Variants in FCRL1 observed in about 807,000 individuals in gnomAD.
FCRL1 encodes Fc receptor-like protein 1.
FCRL1 carries 34 observed loss-of-function variants against 49.2 expected under a neutral mutation model. That is an observed-to-expected ratio of 0.69 (90% CI 0.53 to 0.92). The LOEUF is 0.92. Ranked by LOEUF, FCRL1 falls within the 40% of genes least tolerant of loss-of-function variation. FCRL1 has a pLI of 0.00. For missense variants in FCRL1, 524 were observed against 524.1 expected, an observed-to-expected ratio of 1.00 and a Z score of 0.00; for synonymous variants, 218 against 201.6, an observed-to-expected ratio of 1.08 and a Z score of -0.69.
At chr1:157,800,234 A>G (rs1470248700) in intron 6 of FCRL1, 149 bp from the exon 7 acceptor site, 1 of 568,062 alleles carries the variant, frequency 1.8e-6, no homozygotes, top group African/African-American at 1.9e-5. Flanking sequence ...CATCCTGGCA[A>G]TCATTTACAG....
intron 1 of FCRL1, among the ~76,000 whole-genome samples, chr1:157,816,913 T>C (rs1415311968): frequency 1.3e-5 from 2 of 151,802 alleles, no homozygotes; most frequent in Non-Finnish European, 3.0e-5. Context: ...TCACAATAGT[T>C]ATAAAATAAT....
At chr1:157,806,035 A>G (rs1653385668) in intron 2 of FCRL1, among the ~76,000 whole-genome samples, 1 of 152,238 alleles carries the variant, frequency 6.6e-6, no homozygotes, top group Non-Finnish European at 1.5e-5. Context: ...CTTGTTTCAG[A>G]TAATTCTTAG....
At chr1:157,817,242 AG>A (rs1174188337) in intron 1 of FCRL1, among the ~76,000 whole-genome samples, 3 of 142,906 alleles carry the variant, frequency 2.1e-5, no homozygotes, top group Admixed American at 7.1e-5. Flanking sequence ...GAAAAGCTTC[AG>A]GTATTATACT....
chr1:157,797,214 C>T, intron 9 of FCRL1, 82 bp from the exon 10 acceptor site: 2 of 1,243,010 alleles, frequency 1.6e-6, no homozygotes, highest in Non-Finnish European at 2.4e-6. Flanking sequence ...AAGCTTCTTC[C>T]TCTCCCATCT....
At chr1:157,805,679 TGAG>T (rs1194318599) in intron 2 of FCRL1, among the ~76,000 whole-genome samples, 1 of 152,196 alleles carries the variant, frequency 6.6e-6, no homozygotes, top group Non-Finnish European at 1.5e-5. Context: ...GTGGATCACC[TGAG>T]GTCAGGAGTT....
At chr1:157,801,807 C>G (rs1299701800) in intron 5 of FCRL1, 108 bp downstream of exon 5, 1 of 1,337,860 alleles carries the variant, frequency 7.5e-7, no homozygotes. Flanking sequence ...CACACAGAGG[C>G]CCCACCATGG....
In FCRL1 at chr1:157,801,916, T is replaced by C. The variant is rs1482748516; in HGVS notation, c.885A>G (p.Thr295=). The change falls in exon 5 of 11, where the codon ACA becomes ACG. Residue 295 remains threonine (T), a splice_region_variant and synonymous_variant. Coordinates refer to ENST00000368176, the MANE Select transcript of FCRL1 (RefSeq NM_052938.5). ...ACAGTTCCATAGCCTGAGCTATACC[T>C]GTGAAGTTGAGTGTCACCGCCTCAC... is the stretch of plus-strand genomic sequence containing the variant. ...QRSEAVTLNF[T]VPTGARSNHL... is the part of the protein sequence containing the mutation. The C allele has an allele frequency of 3.1e-6, 5 of 1,612,004 alleles. No individual in the cohort carries two copies. The highest frequency in any genetic ancestry group is 4.2e-6 in the Non-Finnish European group (5 of 1,178,888).
chr1:157,801,689 ATTTATTT>A, intron 5 of FCRL1, 112 bp from the exon 6 acceptor site: 1 of 906,230 alleles, frequency 1.1e-6, no homozygotes, highest in Non-Finnish European at 1.7e-6. Context: ...GTGGGGATTT[ATTTATTT>A]GTCTAGGGAC....
chr1:157,801,563 T>C lies in FCRL1; in HGVS notation c.901A>G (p.Arg301Gly). The C allele has an allele frequency of 6.2e-7, 1 of 1,613,258 alleles. No individual in the cohort carries two copies. Among genetic ancestry groups the C allele is most frequent in the Non-Finnish European group, 8.5e-7 (1 of 1,179,382 alleles). Reference sequence around the variant, plus strand: ...ACTCCTGAGGTAAGATGATTGCTTCTGGCCCCAGTAGGCACTAGAGGGAGA... The same window carrying C: ...ACTCCTGAGGTAAGATGATTGCTTCCGGCCCCAGTAGGCACTAGAGGGAGA... The part of the protein sequence containing the change: ...TLNFTVPTGA[R>G]SNHLTSGVIE... The change falls in exon 6 of 11, where the codon AGA becomes GGA. Residue 301 changes from arginine to glycine, a missense_variant. By Grantham distance (125) the Arg-to-Gly change is moderately radical. Coordinates refer to ENST00000368176, the MANE Select transcript of FCRL1 (RefSeq NM_052938.5).
intron 4 of FCRL1, 28 bp downstream of exon 4, chr1:157,802,349 T>C (rs755180564): frequency 6.2e-7 from 1 of 1,606,578 alleles, no homozygotes; most frequent in South Asian, 1.1e-5. Flanking sequence ...TGTGACTGGC[T>C]GGCTGAACGA....
In FCRL1 at chr1:157,795,709, T is replaced by C. The variant is rs1255108673; in HGVS notation, c.*390A>G. 1 of 168,054 alleles carries C rather than the reference T, an allele frequency of 6.0e-6. No individual in the cohort carries two copies. Among genetic ancestry groups the C allele is most frequent in the Non-Finnish European group, 1.3e-5 (1 of 77,146 alleles). 10.4% of individuals were successfully genotyped at this position (168,054 alleles called of 1,614,324 possible). A position where few individuals can be genotyped will look rare whatever the true frequency, so the allele number is the denominator to read the frequency against. ...ACTTGGACTGAATGATGGGCACAGC[T>C]CTCTCTGTGAAGTCCTGCAGAGTCA... On this transcript the variant is annotated 3_prime_UTR_variant, in exon 11 of 11. Coordinates refer to ENST00000368176, the MANE Select transcript of FCRL1 (RefSeq NM_052938.5).
chr1:157,816,743 C>T (rs1655070821), intron 1 of FCRL1, among the ~76,000 whole-genome samples: 1 of 151,398 alleles, frequency 6.6e-6, no homozygotes, highest in South Asian at 2.1e-4. Flanking sequence ...AGCTCTATGT[C>T]ACTGATTTGG....
chr1:157,819,784 C>T (rs961778190), intron 1 of FCRL1, among the ~76,000 whole-genome samples: 10 of 152,124 alleles, frequency 6.6e-5, no homozygotes, highest in African/African-American at 2.4e-4. Context: ...GTGAACACTT[C>T]CTATGAGATA....
At chr1:157,806,943 CCCAAGGGAG>C (rs1449181400) in intron 2 of FCRL1, 150 bp downstream of exon 2, 2 of 694,082 alleles carry the variant, frequency 2.9e-6, no homozygotes, top group Admixed American at 5.5e-5. Flanking sequence ...GCAGCCCAGG[CCCAAGGGAG>C]CCACTGATGT....
At chr1:157,803,217 C>G (rs1459708221) in intron 3 of FCRL1, among the ~76,000 whole-genome samples, 2 of 152,102 alleles carry the variant, frequency 1.3e-5, no homozygotes, top group African/African-American at 4.8e-5. Flanking sequence ...TCCAGTTTCA[C>G]CAGTATTGAG....
rs1655594185 is a variant in FCRL1, at chr1:157,820,093, C to T, written c.-56G>A. ...TGCCTCTCATCAAAAAAAGAATGCA[C>T]CTCAGAGTCGAGCAGCAGCAGCTCA... On this transcript the variant is annotated 5_prime_UTR_variant, in exon 1 of 11. The change creates a new upstream start codon in the 5' untranslated region. Coordinates refer to ENST00000368176, the MANE Select transcript of FCRL1 (RefSeq NM_052938.5). The T allele has an allele frequency of 7.5e-6, 12 of 1,599,770 alleles. No homozygotes were observed. Among genetic ancestry groups the T allele is most frequent in the Non-Finnish European group, 1.0e-5 (12 of 1,167,246 alleles).
rs1652944003 is a variant in FCRL1 at position 157,803,880 on chromosome 1, A to G, written c.284T>C (p.Val95Ala). 1 of 1,613,968 alleles carries G rather than the reference A, an allele frequency of 6.2e-7. No homozygotes were observed. The highest frequency in any genetic ancestry group is 1.3e-5 in the African/African-American group (1 of 74,878). ...TATCTGGGATCTCCTGCTCCTCAAG[A>G]CTTTGGACGCCATTGTCTGTGCCTC... ...WCEAQTMASKVLRSRRSQINV... is the reference protein window; with the variant it reads ...WCEAQTMASKALRSRRSQINV... Residue 95 changes from valine to alanine, a missense_variant, in exon 3 of 11, where the codon GTC (valine) becomes GCC (alanine). Transcript: ENST00000368176.
rs763201619 is a variant in FCRL1, at chr1:157,798,375, G to A, written c.1032-132C>T. 1.1e-4 allele frequency: 82 copies of A among 742,956 alleles called. 1 individual carries two copies. The Middle Eastern group carries it at 3.0e-3, about 27-fold the overall frequency. The allele number at this position is 742,956 out of a possible 1,614,324, so 46.0% of individuals were successfully genotyped here. A position where few individuals can be genotyped will look rare whatever the true frequency, so the allele number is the denominator to read the frequency against. On this transcript the variant is annotated intron_variant, in intron 7 of 10. Coordinates refer to ENST00000368176, the MANE Select transcript of FCRL1 (RefSeq NM_052938.5). ...TAAGTTACGGGGAAATGAGCAGCTA[G>A]AAGGCACAGCAGTGTGGTATGAGTC...
chr1:157,809,827 G>A (rs528993361), intron 1 of FCRL1, among the ~76,000 whole-genome samples: 1 of 152,286 alleles, frequency 6.6e-6, no homozygotes, highest in Admixed American at 6.5e-5. Context: ...AGGGAGCTGA[G>A]GCAGGTGCAT....
Sources: allele counts gnomAD v4.1 joint callset (sites outside exome capture counted in the v4.1 genomes callset), GRCh38; gene constraint gnomAD v4.1.1; transcripts MANE v1.5; gene names NCBI Gene and HGNC (gene_info 2026-07-23, HGNC 2026-07-21).